PKNOX2: variants seen among roughly 807,000 people sequenced by gnomAD.
The protein encoded by PKNOX2 is PBX/knotted 1 homeobox 2, also known as homeobox protein PKNOX2.
A neutral mutation model predicts 53.1 loss-of-function variants in PKNOX2; 14 were observed. That is an observed-to-expected ratio of 0.26 (90% CI 0.17 to 0.41). The LOEUF (loss-of-function observed/expected upper bound fraction) is 0.41, where lower values mean the gene tolerates loss of function less well. PKNOX2 is among the 10% of genes least tolerant of loss of function. The pLI, the probability that PKNOX2 is intolerant of heterozygous loss-of-function variation, is 1.00. For synonymous variants in PKNOX2, 257 were observed against 242.8 expected (o/e 1.06, Z -0.54); for missense variants, 496 against 602.8 (o/e 0.82, Z 1.85).
At chr11:125,345,562 G>A (rs747285238) in intron 3 of PKNOX2, among the ~76,000 whole-genome samples, 5 of 152,014 alleles carry the variant, frequency 3.3e-5, no homozygotes, top group Non-Finnish European at 5.9e-5. Context: ...GTGTGCTCGC[G>A]TGCACCCACA....
intron 2 of PKNOX2, among the ~76,000 whole-genome samples, chr11:125,316,488 C>T (rs1949201343): frequency 6.6e-6 from 1 of 152,134 alleles, no homozygotes; most frequent in South Asian, 2.1e-4. Context: ...ATGATCATTC[C>T]ATTACAGGCA....
chr11:125,354,870 C>G (rs1306746675), intron 4 of PKNOX2, among the ~76,000 whole-genome samples: 1 of 151,616 alleles, frequency 6.6e-6, no homozygotes, highest in Non-Finnish European at 1.5e-5. Context: ...GCTTCTAGCC[C>G]CTTAGTTCTG....
At chr11:125,415,972 C>T (rs1955848756) in intron 10 of PKNOX2, among the ~76,000 whole-genome samples, 1 of 152,190 alleles carries the variant, frequency 6.6e-6, no homozygotes, top group African/African-American at 2.4e-5. Flanking sequence ...ATAAACCTCT[C>T]CTATACTGTA....
At chr11:125,206,329 G>T (rs983837225) in intron 1 of PKNOX2, among the ~76,000 whole-genome samples, 9 of 152,104 alleles carry the variant, frequency 5.9e-5, no homozygotes, top group African/African-American at 2.2e-4. Context: ...TGAGCAGAGA[G>T]TAGTTAGGTC....
intron 2 of PKNOX2, among the ~76,000 whole-genome samples, chr11:125,325,788 T>C (rs887644237): frequency 1.3e-5 from 2 of 152,162 alleles, no homozygotes; most frequent in African/African-American, 4.8e-5. Context: ...AAACCTAGGA[T>C]TGGAATTCAA....
chr11:125,313,065 A>G (rs1948926475), intron 2 of PKNOX2, among the ~76,000 whole-genome samples: 1 of 152,170 alleles, frequency 6.6e-6, no homozygotes, highest in Non-Finnish European at 1.5e-5. Flanking sequence ...CAGGGAGCTT[A>G]GACAGCAGGG....
At chr11:125,258,446 A>G (rs979213281) in intron 2 of PKNOX2, among the ~76,000 whole-genome samples, 3 of 152,190 alleles carry the variant, frequency 2.0e-5, no homozygotes, top group Non-Finnish European at 4.4e-5. Flanking sequence ...GTCCAAGGAA[A>G]GAGAGTATAA....
At chr11:125,173,756 C>T (rs938179206) in intron 1 of PKNOX2, among the ~76,000 whole-genome samples, 8 of 152,148 alleles carry the variant, frequency 5.3e-5, no homozygotes, top group African/African-American at 1.9e-4. Flanking sequence ...GTCTGCCAGC[C>T]CAGGTGTAAG....
At chr11:125,347,050 G>C (rs1226950584) in intron 3 of PKNOX2, among the ~76,000 whole-genome samples, 1 of 152,184 alleles carries the variant, frequency 6.6e-6, no homozygotes, top group Non-Finnish European at 1.5e-5. Flanking sequence ...AAAGACACTT[G>C]ACCAGAGGGA....
rs1956215283 is a variant in PKNOX2, at chr11:125,422,368, T to A, written c.937-6644T>A. Among the ~76,000 whole-genome samples the A allele has an allele frequency of 6.6e-6, 1 of 152,272 alleles. No individual in the cohort carries two copies. The highest frequency in any genetic ancestry group is 2.4e-5 in the African/African-American group (1 of 41,552). On this transcript the variant is annotated intron_variant, in intron 10 of 12. Coordinates refer to ENST00000298282, the MANE Select transcript of PKNOX2 (RefSeq NM_001382323.2). This position sits in a 1 kb window ranked among gnomAD's most constrained non-coding sequence, Gnocchi z 4.1. ...CATTTCTCTCTTTGTCCCAGAGAAATCTTAGACCTCAGACTCCTGCCTGTG... is the reference window on the plus strand; with the variant it reads ...CATTTCTCTCTTTGTCCCAGAGAAAACTTAGACCTCAGACTCCTGCCTGTG...
intron 6 of PKNOX2, among the ~76,000 whole-genome samples, chr11:125,392,796 G>A (rs924193696): frequency 6.6e-6 from 1 of 152,148 alleles, no homozygotes; most frequent in African/African-American, 2.4e-5. Context: ...AGAAAGGAGG[G>A]AGGAAAGAAG....
At chr11:125,226,018 A>T (rs73617554) in intron 1 of PKNOX2, among the ~76,000 whole-genome samples, 5,316 of 152,292 alleles carry the variant, frequency 0.035, 310 homozygotes, top group African/African-American at 0.12. Flanking sequence ...AGGTGTGGCA[A>T]CTTGCCTCCT....
intron 1 of PKNOX2, among the ~76,000 whole-genome samples, chr11:125,171,204 G>A (rs892085244): frequency 6.6e-6 from 1 of 152,232 alleles, no homozygotes; most frequent in Non-Finnish European, 1.5e-5. Flanking sequence ...ATGGGCAGGT[G>A]TCCTGCCTTG....
At chr11:125,200,604 C>T (rs1487881373) in intron 1 of PKNOX2, among the ~76,000 whole-genome samples, 2 of 152,220 alleles carry the variant, frequency 1.3e-5, no homozygotes, top group African/African-American at 4.8e-5. Context: ...CCCAACCTCC[C>T]CCTGGCCCTC....
intron 3 of PKNOX2, among the ~76,000 whole-genome samples, chr11:125,348,099 A>C (rs1213548113): frequency 6.6e-6 from 1 of 152,102 alleles, no homozygotes; most frequent in Admixed American, 6.5e-5. Flanking sequence ...GCTTCCCCCA[A>C]AGGGCCAGGA....
intron 2 of PKNOX2, among the ~76,000 whole-genome samples, chr11:125,309,151 CTT>C (rs1389878692): frequency 1.3e-5 from 2 of 150,582 alleles, no homozygotes; most frequent in Non-Finnish European, 2.9e-5. Flanking sequence ...TTCTTTCTTT[CTT>C]TCTTTCCTTC....
At chr11:125,229,635 G>A (rs1286721356) in intron 1 of PKNOX2, among the ~76,000 whole-genome samples, 3 of 152,274 alleles carry the variant, frequency 2.0e-5, no homozygotes, top group Admixed American at 6.5e-5. Flanking sequence ...GGGTGGATGC[G>A]CAAAAACAGT....
chr11:125,266,123 G>A (rs956479259), intron 2 of PKNOX2, among the ~76,000 whole-genome samples: 2 of 152,218 alleles, frequency 1.3e-5, no homozygotes, highest in African/African-American at 4.8e-5. Context: ...TCTCATCAGA[G>A]TTGAATGATA....
intron 2 of PKNOX2, among the ~76,000 whole-genome samples, chr11:125,286,447 A>G (rs890675345): frequency 1.3e-5 from 2 of 152,218 alleles, no homozygotes; most frequent in Non-Finnish European, 2.9e-5. Flanking sequence ...GTAAAAATGG[A>G]TTTTTGCCCA....
Sources: allele counts gnomAD v4.1 joint callset (sites outside exome capture counted in the v4.1 genomes callset), GRCh38; gene constraint gnomAD v4.1.1; non-coding constraint Gnocchi (gnomAD v3.1); transcripts MANE v1.5; gene names NCBI Gene and HGNC (gene_info 2026-07-23, HGNC 2026-07-21).